The following R3HDM2 variants were observed in gnomAD, a reference collection of about 807,000 sequenced individuals.
R3HDM2 encodes R3H domain-containing protein 2.
R3HDM2 carries 38 observed loss-of-function variants against 124.5 expected under a neutral mutation model. The observed-to-expected ratio is 0.31, with a 90% confidence interval of 0.24 to 0.40. R3HDM2 has a LOEUF of 0.40. Ranked by LOEUF, R3HDM2 falls within the 10% of genes least tolerant of loss-of-function variation. R3HDM2 has a pLI of 1.00. For synonymous variants in R3HDM2, 391 were observed against 448.0 expected, an observed-to-expected ratio of 0.87 and a Z score of 1.61; for missense variants, 869 against 1,236.9, an observed-to-expected ratio of 0.70 and a Z score of 4.46.
At chr12:57,270,092 CTTCTT>C in intron 14 of R3HDM2, 98 bp from the exon 15 acceptor site, 1 of 1,442,504 alleles carries the variant, frequency 6.9e-7, no homozygotes, top group Non-Finnish European at 9.5e-7. Context: ...TTTTTACAAC[CTTCTT>C]TAAAACAATG....
intron 2 of R3HDM2, among the ~76,000 whole-genome samples, chr12:57,351,312 C>T (rs1214585078): frequency 6.6e-6 from 1 of 151,994 alleles, no homozygotes; most frequent in African/African-American, 2.4e-5. Flanking sequence ...AGATGTAGAA[C>T]GAAGAGCTGC....
At chr12:57,297,621 G>T in intron 7 of R3HDM2, 1 of 421,426 alleles carries the variant, frequency 2.4e-6, no homozygotes, top group South Asian at 4.2e-5. Context: ...CATATACTTT[G>T]TTATACCATA....
At chr12:57,259,501 GA>G (rs2137038315) in intron 19 of R3HDM2, among the ~76,000 whole-genome samples, 1 of 152,346 alleles carries the variant, frequency 6.6e-6, no homozygotes, top group South Asian at 2.1e-4. Context: ...TTGTTCTGGA[GA>G]AGATAAATCC....
At chr12:57,380,273 T>C (rs934301978) in intron 2 of R3HDM2, among the ~76,000 whole-genome samples, 4 of 152,190 alleles carry the variant, frequency 2.6e-5, no homozygotes, top group Admixed American at 1.3e-4. Flanking sequence ...CCTTAATCAA[T>C]CCATTTTTAT....
chr12:57,404,168 G>A (rs1023961683), intron 1 of R3HDM2, among the ~76,000 whole-genome samples: 21 of 145,692 alleles, frequency 1.4e-4, no homozygotes, highest in Admixed American at 7.2e-4. Context: ...GGGTTCAAGC[G>A]ATTCTCCTGC....
At chr12:57,397,541 G>A (rs2067669599) in intron 1 of R3HDM2, among the ~76,000 whole-genome samples, 1 of 151,994 alleles carries the variant, frequency 6.6e-6, no homozygotes, top group Admixed American at 6.6e-5. Flanking sequence ...TGCACATCAC[G>A]GTTTTGACAT....
At chr12:57,260,262 T>TAAAAAAAAAAAAAAAAA (rs2040358110) in intron 19 of R3HDM2, among the ~76,000 whole-genome samples, 1 of 3,234 alleles carries the variant, frequency 3.1e-4, no homozygotes, top group Non-Finnish European at 7.2e-4. Context: ...AGACCCTGCC[T>TAAAAAAAAAAAAAAAAA]CAAAAAAAAA....
At chr12:57,391,880 G>A (rs994932613) in intron 2 of R3HDM2, among the ~76,000 whole-genome samples, 5 of 152,164 alleles carry the variant, frequency 3.3e-5, no homozygotes, top group Middle Eastern at 3.2e-3. Flanking sequence ...AAAAGTGAGC[G>A]GCTGGGCCCA....
intron 20 of R3HDM2, among the ~76,000 whole-genome samples, chr12:57,258,620 G>A (rs1401486986): frequency 1.3e-5 from 2 of 152,010 alleles, no homozygotes; most frequent in Admixed American, 6.6e-5. Context: ...ACCGGTGTGC[G>A]CCACCATGCC....
At chr12:57,349,796 G>C (rs2060493555) in intron 2 of R3HDM2, among the ~76,000 whole-genome samples, 1 of 152,046 alleles carries the variant, frequency 6.6e-6, no homozygotes. Flanking sequence ...TCCTGTCCTC[G>C]TGATCCACCT....
chr12:57,413,951 T>A (rs1277884222), intron 1 of R3HDM2, among the ~76,000 whole-genome samples: 1 of 147,752 alleles, frequency 6.8e-6, no homozygotes, highest in Non-Finnish European at 1.5e-5. Flanking sequence ...GTTCAAGTGA[T>A]TCTCCCGCCT....
chr12:57,318,998 A>G (rs1484941074), intron 2 of R3HDM2, among the ~76,000 whole-genome samples: 3 of 152,218 alleles, frequency 2.0e-5, no homozygotes, highest in Non-Finnish European at 4.4e-5. Flanking sequence ...GGGGAGAAAT[A>G]GTCAAAAACC....
chr12:57,400,869 A>G (rs763531657), intron 1 of R3HDM2, among the ~76,000 whole-genome samples: 2 of 152,200 alleles, frequency 1.3e-5, no homozygotes, highest in Non-Finnish European at 2.9e-5. Flanking sequence ...ATAGCTTTTC[A>G]GCATTAACAG....
chr12:57,260,212 C>T (rs1270269745), intron 19 of R3HDM2, among the ~76,000 whole-genome samples: 8 of 128,978 alleles, frequency 6.2e-5, no homozygotes, highest in African/African-American at 1.5e-4. Context: ...TGCAGTGAGC[C>T]GTGATTATGC....
chr12:57,272,517 T>C (rs1246976377), intron 14 of R3HDM2: 7 of 1,548,430 alleles, frequency 4.5e-6, no homozygotes, highest in Non-Finnish European at 5.2e-6. Flanking sequence ...TGGAGAGAAC[T>C]GAACAGGCTG....
chr12:57,414,247 AGGCTGAGGCG>A (rs1370649776), intron 1 of R3HDM2, among the ~76,000 whole-genome samples: 6 of 151,096 alleles, frequency 4.0e-5, no homozygotes, highest in Non-Finnish European at 7.4e-5. Context: ...GCACTCTGGG[AGGCTGAGGCG>A]GGCTGATCAC....
chr12:57,285,399 G>A (rs951978564), intron 12 of R3HDM2, among the ~76,000 whole-genome samples: 2 of 151,904 alleles, frequency 1.3e-5, no homozygotes, highest in Non-Finnish European at 2.9e-5. Context: ...AACTGGTTAG[G>A]AACATGCTAA....
chr12:57,366,065 C>A (rs557796880), intron 2 of R3HDM2, among the ~76,000 whole-genome samples: 3 of 152,294 alleles, frequency 2.0e-5, no homozygotes, highest in African/African-American at 7.2e-5. Flanking sequence ...TGTCTCCCTT[C>A]CCACTTTTCT....
intron 1 of R3HDM2, 164 bp downstream of exon 1, chr12:57,430,556 C>A (rs2139794741): frequency 4.1e-6 from 4 of 984,836 alleles, no homozygotes; most frequent in East Asian, 1.1e-4. Flanking sequence ...TTGGAGCAGT[C>A]CTTCCCGCGG....
Sources: allele counts gnomAD v4.1 joint callset (sites outside exome capture counted in the v4.1 genomes callset), GRCh38; gene constraint gnomAD v4.1.1; transcripts MANE v1.5; gene names NCBI Gene and HGNC (gene_info 2026-07-23, HGNC 2026-07-21).